NKAIN2: variants seen among roughly 807,000 people sequenced by gnomAD.
The protein encoded by NKAIN2 is sodium/potassium-transporting ATPase subunit beta-1-interacting protein 2.
In NKAIN2, 14 loss-of-function variants were observed where a neutral mutation model predicts 32.6. That is an observed-to-expected ratio of 0.43 (90% CI 0.28 to 0.67). NKAIN2 has a LOEUF of 0.67. NKAIN2 is among the 30% of genes least tolerant of loss of function. NKAIN2 has a pLI of 0.17. For missense variants in NKAIN2, 198 were observed against 258.3 expected, an observed-to-expected ratio of 0.77 and a Z score of 1.60; for synonymous variants, 80 against 87.2, an observed-to-expected ratio of 0.92 and a Z score of 0.46.
chr6:124,254,999 G>A (rs192272632), intron 1 of NKAIN2, among the ~76,000 whole-genome samples: 1 of 152,154 alleles, frequency 6.6e-6, no homozygotes, highest in Non-Finnish European at 1.5e-5. Context: ...TTGAGGCCAG[G>A]TGATGAATTA....
At chr6:124,077,887 A>G (rs2114898265) in intron 1 of NKAIN2, among the ~76,000 whole-genome samples, 1 of 152,242 alleles carries the variant, frequency 6.6e-6, no homozygotes, top group Non-Finnish European at 1.5e-5. Flanking sequence ...GGCGTGAATG[A>G]CAGTGCCTGA....
At chr6:124,149,161 AT>A (rs1787573786) in intron 1 of NKAIN2, among the ~76,000 whole-genome samples, 1 of 152,064 alleles carries the variant, frequency 6.6e-6, no homozygotes, top group East Asian at 1.9e-4. Context: ...GGTTACTTTT[AT>A]TTTCATTATT....
intron 2 of NKAIN2, among the ~76,000 whole-genome samples, chr6:124,300,973 G>A (rs946897794): frequency 6.6e-6 from 1 of 152,208 alleles, no homozygotes; most frequent in Non-Finnish European, 1.5e-5. Flanking sequence ...ATTTGCATAA[G>A]TAACAAGGAG....
intron 3 of NKAIN2, among the ~76,000 whole-genome samples, chr6:124,534,580 C>T (rs542900899): frequency 3.3e-5 from 5 of 152,318 alleles, no homozygotes; most frequent in South Asian, 2.1e-4. Flanking sequence ...GACAGATAGT[C>T]GGTTCGAATT....
chr6:123,915,713 C>A (rs1562255713), intron 1 of NKAIN2, among the ~76,000 whole-genome samples: 1 of 152,092 alleles, frequency 6.6e-6, no homozygotes, highest in Admixed American at 6.6e-5. Flanking sequence ...TTCTTCAGGG[C>A]AGGATGTGAA....
At chr6:124,370,538 G>A (rs573307567) in intron 3 of NKAIN2, among the ~76,000 whole-genome samples, 1 of 152,062 alleles carries the variant, frequency 6.6e-6, no homozygotes, top group East Asian at 1.9e-4. Context: ...CACACTCAGA[G>A]GTAGCATAAT....
At chr6:124,132,707 A>AC (rs1456012242) in intron 1 of NKAIN2, among the ~76,000 whole-genome samples, 3 of 151,802 alleles carry the variant, frequency 2.0e-5, no homozygotes, top group Admixed American at 6.6e-5. Flanking sequence ...AATCTACATC[A>AC]CCCCCAGCCA....
chr6:124,532,197 A>G (rs1209679412), intron 3 of NKAIN2, among the ~76,000 whole-genome samples: 1 of 151,832 alleles, frequency 6.6e-6, no homozygotes, highest in Non-Finnish European at 1.5e-5. Context: ...TCGTTCTAGA[A>G]AGCAGAACTT....
At chr6:124,806,574 C>A (rs1428011310) in intron 5 of NKAIN2, among the ~76,000 whole-genome samples, 1 of 151,934 alleles carries the variant, frequency 6.6e-6, no homozygotes, top group African/African-American at 2.4e-5. Context: ...GAAGAAACTG[C>A]ATCAACTAAC....
At chr6:124,777,245 A>G (rs1038688206) in intron 4 of NKAIN2, among the ~76,000 whole-genome samples, 2 of 152,136 alleles carry the variant, frequency 1.3e-5, no homozygotes, top group African/African-American at 4.8e-5. Context: ...TATGAAGTGT[A>G]TATTCTAAAG....
At chr6:124,809,164 T>C (rs1445313968) in intron 5 of NKAIN2, among the ~76,000 whole-genome samples, 9 of 152,172 alleles carry the variant, frequency 5.9e-5, no homozygotes, top group East Asian at 1.9e-4. Flanking sequence ...AAAAAGAGCC[T>C]GCATCGCCAA....
At chr6:124,713,681 G>T (rs1376323792) in intron 4 of NKAIN2, among the ~76,000 whole-genome samples, 1 of 152,130 alleles carries the variant, frequency 6.6e-6, no homozygotes, top group African/African-American at 2.4e-5. Context: ...TGTTAGGGTG[G>T]CTGTCTTCAC....
At chr6:124,802,456 T>C (rs928466065) in intron 5 of NKAIN2, among the ~76,000 whole-genome samples, 1 of 152,204 alleles carries the variant, frequency 6.6e-6, no homozygotes, top group African/African-American at 2.4e-5. Context: ...CCAAATGGCA[T>C]GGCACAAAGT....
At chr6:124,600,642 T>C (rs1782269918) in intron 3 of NKAIN2, among the ~76,000 whole-genome samples, 2 of 152,164 alleles carry the variant, frequency 1.3e-5, no homozygotes, top group Admixed American at 6.6e-5. Flanking sequence ...CTCTAACATA[T>C]ATTTGATATT....
chr6:123,898,849 T>G (rs751116293), intron 1 of NKAIN2, among the ~76,000 whole-genome samples: 1 of 152,186 alleles, frequency 6.6e-6, no homozygotes, highest in Admixed American at 6.5e-5. Flanking sequence ...AGGGCGAGAT[T>G]CTCCCCAGGC....
intron 3 of NKAIN2, among the ~76,000 whole-genome samples, chr6:124,412,747 G>T (rs1774263129): frequency 6.6e-6 from 1 of 152,188 alleles, no homozygotes; most frequent in South Asian, 2.1e-4. Context: ...GCTGTCTTTT[G>T]TTTGTCTGTG....
At chr6:124,334,531 C>G (rs2115061187) in intron 2 of NKAIN2, among the ~76,000 whole-genome samples, 1 of 118,466 alleles carries the variant, frequency 8.4e-6, no homozygotes, top group East Asian at 2.5e-4. Flanking sequence ...CTGTCATTTG[C>G]ACTGAGTCAG....
intron 1 of NKAIN2, among the ~76,000 whole-genome samples, chr6:123,845,356 A>G (rs965803288): frequency 3.9e-5 from 6 of 152,248 alleles, no homozygotes; most frequent in Non-Finnish European, 5.9e-5. Context: ...CAAACATTTC[A>G]TAGGTAGACA....
intron 1 of NKAIN2, among the ~76,000 whole-genome samples, chr6:123,901,578 A>G (rs547262363): frequency 2.0e-4 from 30 of 152,284 alleles, no homozygotes; most frequent in Non-Finnish European, 1.5e-5. Context: ...ATGTTTCCTT[A>G]TGGGTCAGAA....
Sources: gnomAD v4.1 joint callset for allele counts (sites outside exome capture counted in the v4.1 genomes callset) on GRCh38, gnomAD v4.1.1 for gene constraint, MANE v1.5 for transcripts, NCBI Gene and HGNC (gene_info 2026-07-23, HGNC 2026-07-21) for gene names.